Variants in SPMIP2 observed in about 807,000 individuals in gnomAD.
SPMIP2 encodes the protein sperm microtubule inner protein 2.
At chr4:158,948,818 G>T in the SPMIP2 span, among the ~76,000 whole-genome samples, 1 of 151,982 alleles carries the variant, frequency 6.6e-6, no homozygotes, top group Admixed American at 6.6e-5. Flanking sequence ...TTCCCAGGCT[G>T]GTGTTGAACT....
the SPMIP2 span, among the ~76,000 whole-genome samples, chr4:159,015,575 G>A: frequency 2.6e-5 from 4 of 152,038 alleles, no homozygotes; most frequent in Admixed American, 6.6e-5. Context: ...TCATATAAAA[G>A]TTTCAAGATT....
chr4:158,961,738 C>T, the SPMIP2 span, among the ~76,000 whole-genome samples: 1 of 152,032 alleles, frequency 6.6e-6, no homozygotes, highest in Admixed American at 6.6e-5. Context: ...TTCCATTCCT[C>T]CTATAGATAT....
At chr4:158,973,294 C>A in the SPMIP2 span, 1 of 1,612,030 alleles carries the variant, frequency 6.2e-7, no homozygotes, top group Non-Finnish European at 8.5e-7. Context: ...GGTAAATAAT[C>A]CTTTATGTAG....
the SPMIP2 span, chr4:158,906,924 GC>G: frequency 6.6e-6 from 1 of 152,124 alleles, no homozygotes; most frequent in African/African-American, 2.4e-5. Flanking sequence ...TTGCTCCCAT[GC>G]CCACCTCAAG....
At chr4:159,011,109 T>C in the SPMIP2 span, among the ~76,000 whole-genome samples, 1 of 152,152 alleles carries the variant, frequency 6.6e-6, no homozygotes, top group South Asian at 2.1e-4. Flanking sequence ...AGCTTGAAAC[T>C]AGAATAAAAT....
chr4:158,992,596 C>T, the SPMIP2 span, among the ~76,000 whole-genome samples: 3 of 152,252 alleles, frequency 2.0e-5, no homozygotes, highest in East Asian at 5.8e-4. Flanking sequence ...ATACCCGAGA[C>T]TAAGTAACTT....
At chr4:158,906,467 A>G in the SPMIP2 span, 1 of 152,220 alleles carries the variant, frequency 6.6e-6, no homozygotes, top group Non-Finnish European at 1.5e-5. Context: ...CATGTTCATA[A>G]TTAGACCCAT....
the SPMIP2 span, among the ~76,000 whole-genome samples, chr4:159,081,488 A>T: frequency 6.6e-6 from 1 of 152,170 alleles, no homozygotes; most frequent in South Asian, 2.1e-4. Context: ...TCAGGAGTTC[A>T]AGACCAGCCT....
the SPMIP2 span, among the ~76,000 whole-genome samples, chr4:159,036,924 G>T: frequency 2.6e-5 from 4 of 152,244 alleles, no homozygotes; most frequent in South Asian, 8.3e-4. Flanking sequence ...GCTCCTAGTT[G>T]TGTCTTTGAA....
At chr4:158,940,209 T>C in the SPMIP2 span, among the ~76,000 whole-genome samples, 1 of 152,192 alleles carries the variant, frequency 6.6e-6, no homozygotes, top group Admixed American at 6.5e-5. Context: ...TGGTTCTCCC[T>C]CTGTACTTGT....
At chr4:159,061,104 T>C in the SPMIP2 span, among the ~76,000 whole-genome samples, 1 of 144,724 alleles carries the variant, frequency 6.9e-6, no homozygotes, top group Non-Finnish European at 1.5e-5. Context: ...AATATATATA[T>C]ATATACATAT....
chr4:159,033,495 A>T, the SPMIP2 span, among the ~76,000 whole-genome samples: 84 of 152,350 alleles, frequency 5.5e-4, no homozygotes, highest in African/African-American at 1.8e-3. Context: ...TCAGGAAGGA[A>T]TTCAGACTGT....
chr4:159,008,207 C>G, the SPMIP2 span, among the ~76,000 whole-genome samples: 47,794 of 152,178 alleles, frequency 0.31, 7,708 homozygotes, highest in South Asian at 0.44. Context: ...TTTCATATAC[C>G]TGTTATTGTG....
chr4:159,061,920 G>C, the SPMIP2 span, among the ~76,000 whole-genome samples: 3 of 152,180 alleles, frequency 2.0e-5, no homozygotes, highest in African/African-American at 7.2e-5. Flanking sequence ...GGGAGAGCAT[G>C]GCAGTACTGA....
chr4:158,995,625 G>A, the SPMIP2 span, among the ~76,000 whole-genome samples: 12 of 152,034 alleles, frequency 7.9e-5, no homozygotes, highest in Non-Finnish European at 7.4e-5. Context: ...TTGGGAGGCC[G>A]AGGCAGGTGG....
the SPMIP2 span, among the ~76,000 whole-genome samples, chr4:158,942,395 C>T: frequency 6.6e-6 from 1 of 152,196 alleles, no homozygotes; most frequent in South Asian, 2.1e-4. Flanking sequence ...AAAATCCTCC[C>T]TGATGTTAAC....
the SPMIP2 span, among the ~76,000 whole-genome samples, chr4:158,903,188 T>C: frequency 6.6e-6 from 1 of 152,180 alleles, no homozygotes; most frequent in Non-Finnish European, 1.5e-5. Flanking sequence ...CAGACTGCAG[T>C]GCAGATATTG....
At chr4:158,911,379 TAAATA>T in the SPMIP2 span, among the ~76,000 whole-genome samples, 5,507 of 144,564 alleles carry the variant, frequency 0.038, 308 homozygotes, top group African/African-American at 0.13. Context: ...AATAAATAAA[TAAATA>T]AAATAAATAA....
At chr4:158,965,631 T>C in the SPMIP2 span, among the ~76,000 whole-genome samples, 2 of 149,888 alleles carry the variant, frequency 1.3e-5, no homozygotes, top group South Asian at 2.1e-4. Flanking sequence ...AGATTTGATA[T>C]GAAGGAGACT....
Sources: allele counts gnomAD v4.1 joint callset (sites outside exome capture counted in the v4.1 genomes callset), GRCh38; gene constraint gnomAD v4.1.1; transcripts MANE v1.5; gene names NCBI Gene and HGNC (gene_info 2026-07-23, HGNC 2026-07-21).